TTC23: variants seen among roughly 807,000 people sequenced by gnomAD.
TTC23 encodes tetratricopeptide repeat protein 23.
In TTC23, 58 loss-of-function variants were observed where a neutral mutation model predicts 55.1. The observed-to-expected ratio is 1.05, with a 90% confidence interval of 0.85 to 1.31. The LOEUF is 1.31. Among genes scored for constraint, TTC23 ranks in the 50% most tolerant of loss-of-function variants. TTC23 has a pLI of 0.00. For missense variants in TTC23, 516 were observed against 534.4 expected (o/e 0.97, Z 0.34); for synonymous variants, 203 against 199.9 (o/e 1.02, Z -0.13).
intron 9 of TTC23, among the ~76,000 whole-genome samples, chr15:99,197,221 G>C (rs141062679): frequency 6.6e-6 from 1 of 151,870 alleles, no homozygotes; most frequent in African/African-American, 2.4e-5. Flanking sequence ...TCCTGCCTCA[G>C]CCTCCCGAGT....
At chr15:99,197,266 C>T (rs1417847783) in intron 9 of TTC23, among the ~76,000 whole-genome samples, 3 of 152,092 alleles carry the variant, frequency 2.0e-5, no homozygotes, top group Admixed American at 6.5e-5. Context: ...CCATGCCCGG[C>T]TAATTTTTTG....
intron 10 of TTC23, among the ~76,000 whole-genome samples, chr15:99,173,866 T>C (rs963752332): frequency 3.3e-5 from 5 of 152,244 alleles, no homozygotes; most frequent in Admixed American, 1.3e-4. Context: ...CATTGCTTGC[T>C]TGGTTCCTGT....
At chr15:99,141,053 C>T (rs1430658892) in intron 12 of TTC23, 1 of 152,210 alleles carries the variant, frequency 6.6e-6, no homozygotes, top group Admixed American at 6.5e-5. Flanking sequence ...GGTACCATTT[C>T]ACCCACCAGA....
At chr15:99,221,899 C>T in intron 5 of TTC23, 35 bp from the exon 6 acceptor site, 3 of 1,610,406 alleles carry the variant, frequency 1.9e-6, no homozygotes, top group Non-Finnish European at 2.5e-6. Context: ...ACCAGTTATA[C>T]AACTTAAGAG....
chr15:99,147,225 C>CTTTTT (rs58503901), intron 12 of TTC23, among the ~76,000 whole-genome samples: 1 of 112,590 alleles, frequency 8.9e-6, no homozygotes, highest in Non-Finnish European at 1.7e-5. Context: ...AAATTCATTC[C>CTTTTT]TTTTTTTTTT....
intron 9 of TTC23, among the ~76,000 whole-genome samples, chr15:99,193,743 C>T (rs1468117451): frequency 6.6e-6 from 1 of 152,026 alleles, no homozygotes; most frequent in African/African-American, 2.4e-5. Flanking sequence ...CACGGTGGCT[C>T]ACACCTATAA....
chr15:99,187,452 C>CAAAAAACAAAAAAAAAAA (rs2074782438), intron 9 of TTC23, among the ~76,000 whole-genome samples: 1 of 44,506 alleles, frequency 2.2e-5, no homozygotes. Flanking sequence ...AAAGCACAAG[C>CAAAAAACAAAAAAAAAAA]AAAAAAAAAA....
At chr15:99,139,452 G>A in intron 12 of TTC23, 53 bp from the exon 13 acceptor site, 2 of 1,611,508 alleles carry the variant, frequency 1.2e-6, no homozygotes, top group Non-Finnish European at 1.7e-6. Context: ...GCTGAGAGCA[G>A]GAAACTAAGG....
chr15:99,149,638 T>G (rs1006178354), intron 12 of TTC23, among the ~76,000 whole-genome samples: 1 of 152,232 alleles, frequency 6.6e-6, no homozygotes, highest in East Asian at 1.9e-4. Flanking sequence ...GGTGAGCCAC[T>G]GGCATAGAGT....
intron 12 of TTC23, among the ~76,000 whole-genome samples, chr15:99,141,549 TG>T (rs1436037757): frequency 6.6e-6 from 1 of 152,192 alleles, no homozygotes; most frequent in African/African-American, 2.4e-5. Context: ...GCATAACAAA[TG>T]TTTCATAATA....
chr15:99,230,270 G>C (rs939466943), intron 4 of TTC23, among the ~76,000 whole-genome samples: 2 of 152,174 alleles, frequency 1.3e-5, no homozygotes, highest in East Asian at 3.9e-4. Context: ...GGGATTAATG[G>C]CAGATAAGAT....
chr15:99,158,321 G>A (rs2070890425), intron 11 of TTC23: 1 of 152,278 alleles, frequency 6.6e-6, no homozygotes, highest in Admixed American at 6.5e-5. Flanking sequence ...CAGACTTAGA[G>A]GAGCCAGTGA....
chr15:99,139,544 T>G, intron 12 of TTC23, 145 bp from the exon 13 acceptor site: 1 of 1,548,178 alleles, frequency 6.5e-7, no homozygotes, highest in Non-Finnish European at 8.7e-7. Flanking sequence ...TGTCTCCTAG[T>G]GACTGACCTT....
chr15:99,168,461 T>C (rs747011167), intron 10 of TTC23, among the ~76,000 whole-genome samples: 12 of 152,178 alleles, frequency 7.9e-5, no homozygotes, highest in African/African-American at 1.7e-4. Context: ...CTTGGTGATG[T>C]AGATGCGTTT....
At chr15:99,143,568 A>G (rs555453549) in intron 12 of TTC23, among the ~76,000 whole-genome samples, 1 of 152,332 alleles carries the variant, frequency 6.6e-6, no homozygotes, top group South Asian at 2.1e-4. Flanking sequence ...GGTGTTTCTC[A>G]CTTTTCTTTA....
chr15:99,218,784 C>T, intron 7 of TTC23, 71 bp from the exon 8 acceptor site: 1 of 1,604,580 alleles, frequency 6.2e-7, no homozygotes, highest in Middle Eastern at 1.7e-4. Context: ...TTCCTTGGCT[C>T]CCATACTTCC....
chr15:99,184,385 G>A (rs2074465297), intron 9 of TTC23, among the ~76,000 whole-genome samples: 1 of 152,212 alleles, frequency 6.6e-6, no homozygotes, highest in Non-Finnish European at 1.5e-5. Context: ...GAGGGGGGTT[G>A]TACCCTGCAA....
At chr15:99,167,899 A>T (rs1053530787) in intron 10 of TTC23, among the ~76,000 whole-genome samples, 1 of 152,202 alleles carries the variant, frequency 6.6e-6, no homozygotes, top group African/African-American at 2.4e-5. Flanking sequence ...CAGGGAGTTT[A>T]AAAATGGAAA....
intron 4 of TTC23, 92 bp from the exon 5 acceptor site, chr15:99,228,824 T>A: frequency 8.6e-6 from 9 of 1,042,684 alleles, no homozygotes; most frequent in Non-Finnish European, 1.2e-5. Context: ...CATAATTTCT[T>A]TGAAATTAGT....
Sources: allele counts gnomAD v4.1 joint callset (sites outside exome capture counted in the v4.1 genomes callset), GRCh38; gene constraint gnomAD v4.1.1; transcripts MANE v1.5; gene names NCBI Gene and HGNC (gene_info 2026-07-23, HGNC 2026-07-21).